The following AFF1 variants were observed in gnomAD, a reference collection of about 807,000 sequenced individuals.
AFF1 encodes the protein ALF transcription elongation factor 1.
A neutral mutation model predicts 121.7 loss-of-function variants in AFF1; 48 were observed. The ratio of observed to expected loss-of-function variants is 0.39; its 90% CI spans 0.31 to 0.50. The LOEUF (loss-of-function observed/expected upper bound fraction) is 0.50, where lower values mean the gene tolerates loss of function less well. AFF1 is among the 20% of genes least tolerant of loss of function. The probability of loss-of-function intolerance (pLI) is 0.76; values close to 1 mark genes in which losing one functional copy is unlikely to be tolerated. For missense variants in AFF1, 1,523 were observed against 1,511.7 expected (o/e 1.01, Z -0.12); for synonymous variants, 613 against 563.0 (o/e 1.09, Z -1.26).
intron 2 of AFF1, among the ~76,000 whole-genome samples, chr4:86,965,503 C>G (rs997334087): frequency 6.6e-6 from 1 of 152,112 alleles, no homozygotes; most frequent in African/African-American, 2.4e-5. Flanking sequence ...GAGGGAATTC[C>G]CCCTCTTCAT....
chr4:87,022,678 G>GCTGTGTATATATA, intron 2 of AFF1, among the ~76,000 whole-genome samples: 1 of 15,292 alleles, frequency 6.5e-5, no homozygotes, highest in African/African-American at 2.1e-4. Context: ...GTATATATAT[G>GCTGTGTATATATA]TGTGTGTATG....
intron 16 of AFF1, among the ~76,000 whole-genome samples, chr4:87,129,508 G>A (rs971153614): frequency 2.6e-5 from 4 of 152,166 alleles, no homozygotes; most frequent in Non-Finnish European, 5.9e-5. Flanking sequence ...ATTAACTTTG[G>A]AAATCCCATG....
At chr4:87,125,227 C>T (rs1380055410) in intron 13 of AFF1, 84 bp downstream of exon 13, 1 of 942,238 alleles carries the variant, frequency 1.1e-6, no homozygotes. Flanking sequence ...TTTTCTTCTG[C>T]ACTAGAATCA....
rs1729637902 is a variant in AFF1 at position 87,140,546 on chromosome 4, T to C, written c.*4845T>C. ...GGAGGAAAGTCAAATCTTGGTATTA[T>C]TAAAATTGTTTTAAAAAGGAGTAAA... On this transcript the variant is annotated 3_prime_UTR_variant, in exon 21 of 21. Coordinates refer to ENST00000395146, the MANE Select transcript of AFF1 (RefSeq NM_001166693.3). The C allele has an allele frequency of 5.6e-6, 1 of 178,188 alleles. No homozygotes were observed. Among genetic ancestry groups the C allele is most frequent in the South Asian group, 2.0e-4 (1 of 5,046 alleles). 11.0% of individuals were successfully genotyped at this position (178,188 alleles called of 1,614,324 possible). A position where few individuals can be genotyped will look rare whatever the true frequency, so the allele number is the denominator to read the frequency against.
chr4:86,954,067 A>G (rs941446950), intron 2 of AFF1, among the ~76,000 whole-genome samples: 2 of 152,148 alleles, frequency 1.3e-5, no homozygotes, highest in African/African-American at 2.4e-5. Context: ...CCAGCTGTCT[A>G]GAACTCCTCT....
intron 2 of AFF1, among the ~76,000 whole-genome samples, chr4:86,978,029 G>A (rs944550281): frequency 6.6e-6 from 1 of 152,030 alleles, no homozygotes; most frequent in Non-Finnish European, 1.5e-5. Flanking sequence ...TTGCTGATAG[G>A]TTTAATGAGA....
rs559445106 is a variant in AFF1, at chr4:87,047,958, G to A, written c.1059+364G>A. The A allele has an allele frequency of 1.6e-3, 442 of 278,238 alleles. 2 individuals are homozygous for A. The highest frequency in any genetic ancestry group is 9.4e-3 in the Middle Eastern group (7 of 742). The allele number at this position is 278,238 out of a possible 1,614,324, so 17.2% of individuals were successfully genotyped here. A position where few individuals can be genotyped will look rare whatever the true frequency, so the allele number is the denominator to read the frequency against. On this transcript the variant is annotated intron_variant, in intron 4 of 20. Coordinates refer to ENST00000395146, the MANE Select transcript of AFF1 (RefSeq NM_001166693.3). ...GATTTCGGTTACCAGAAAGTTTCAG[G>A]AAGGTTTTCAGGTGTCTTATTTATT... is the stretch of plus-strand genomic sequence containing the variant.
In AFF1 at chr4:87,094,217, A is replaced by G. The variant is rs190454500; in HGVS notation, c.1229-698A>G. Among the ~76,000 whole-genome samples the G allele has an allele frequency of 6.8e-4, 103 of 152,146 alleles. 2 individuals are homozygous for G. Among genetic ancestry groups the G allele is most frequent in the Admixed American group, 6.1e-3 (93 of 15,256 alleles). On this transcript the variant is annotated intron_variant, in intron 7 of 20. Transcript: ENST00000395146. ...TTGGCTGTCCTTTGTGATACAATTC[A>G]TTTTGTTCTTTCTTTAATTTGCTGC...
At chr4:87,071,929 G>A (rs529392750) in intron 4 of AFF1, among the ~76,000 whole-genome samples, 1 of 152,186 alleles carries the variant, frequency 6.6e-6, no homozygotes, top group East Asian at 1.9e-4. Context: ...TTGGAGTTTC[G>A]GGTCAGGAGC....
intron 2 of AFF1, among the ~76,000 whole-genome samples, chr4:86,996,211 C>T (rs1257138735): frequency 1.3e-5 from 2 of 152,170 alleles, no homozygotes; most frequent in African/African-American, 4.8e-5. Context: ...GCCACCACCC[C>T]GTCTGGGAGG....
At chr4:86,948,463 T>C in intron 1 of AFF1, 35 bp from the exon 2 acceptor site, 1 of 1,416,328 alleles carries the variant, frequency 7.1e-7, no homozygotes, top group Non-Finnish European at 9.6e-7. Context: ...ACTCACAGGC[T>C]AATGTTCACA....
chr4:87,127,155 T>A, intron 15 of AFF1, 38 bp downstream of exon 15: 1 of 1,532,646 alleles, frequency 6.5e-7, no homozygotes, highest in Non-Finnish European at 9.0e-7. Context: ...TCTGTTTTGT[T>A]TTGTTTTGCT....
chr4:87,135,839 C>T lies in AFF1; in HGVS notation c.*138C>T, dbSNP rs115446702. ...ACGAGATGGCCAGGACATTTGTCCA[C>T]TTAAACTCTCAACAACAGTGTGATC... On this transcript the variant is annotated 3_prime_UTR_variant, in exon 21 of 21. Coordinates refer to ENST00000395146, the MANE Select transcript of AFF1 (RefSeq NM_001166693.3). 1.6e-3 allele frequency: 2,009 copies of T among 1,293,990 alleles called. 11 individuals are homozygous for T. The highest frequency in any genetic ancestry group is 0.013 in the South Asian group (699 of 52,106). The allele number at this position is 1,293,990 out of a possible 1,614,324, so 80.2% of individuals were successfully genotyped here. A position where few individuals can be genotyped will look rare whatever the true frequency, so the allele number is the denominator to read the frequency against.
intron 12 of AFF1, among the ~76,000 whole-genome samples, chr4:87,118,983 C>T (rs1378796666): frequency 2.0e-5 from 3 of 152,056 alleles, no homozygotes; most frequent in African/African-American, 2.4e-5. Context: ...TAGTGGTCCA[C>T]GACTAGTCTG....
chr4:87,126,106 A>G lies in AFF1; in HGVS notation c.2581A>G (p.Arg861Gly). 6.2e-7 allele frequency: 1 copy of G among 1,614,092 alleles called. No homozygotes were observed. The highest frequency in any genetic ancestry group is 8.5e-7 in the Non-Finnish European group (1 of 1,180,006). ...CGTGATGTTTCACTCCAGGCCCTCC[A>G]GGCCCTCCTCACAGTCCTCAAAGAA... ...HKESSKTKPSRPSSQSSKKEM... is the reference protein window; with the variant it reads ...HKESSKTKPSGPSSQSSKKEM... The change falls in exon 14 of 21, where the codon AGG (arginine) becomes GGG (glycine). Residue 861 changes from arginine (R) to glycine (G), a missense_variant. Transcript: ENST00000395146.
At chr4:87,010,831 T>TA (rs1726662960) in intron 2 of AFF1, among the ~76,000 whole-genome samples, 1 of 152,116 alleles carries the variant, frequency 6.6e-6, no homozygotes, top group Non-Finnish European at 1.5e-5. Context: ...CTCACGCCTG[T>TA]AATCCCAGCA....
intron 2 of AFF1, among the ~76,000 whole-genome samples, chr4:87,035,029 T>C (rs1729421801): frequency 6.6e-6 from 1 of 152,174 alleles, no homozygotes; most frequent in Admixed American, 6.5e-5. Context: ...GGCACACATA[T>C]ATAAAGTCTA....
intron 4 of AFF1, among the ~76,000 whole-genome samples, chr4:87,081,972 T>C (rs1723228848): frequency 6.6e-6 from 1 of 152,126 alleles, no homozygotes; most frequent in Non-Finnish European, 1.5e-5. Flanking sequence ...CTTGAGTAAT[T>C]ATGGAGATCA....
At chr4:87,025,064 C>G (rs991183254) in intron 2 of AFF1, among the ~76,000 whole-genome samples, 1 of 152,148 alleles carries the variant, frequency 6.6e-6, no homozygotes, top group Admixed American at 6.5e-5. Context: ...TTCTCTTATC[C>G]TGCTCCATAG....
Sources: gnomAD v4.1 joint callset for allele counts (sites outside exome capture counted in the v4.1 genomes callset) on GRCh38, gnomAD v4.1.1 for gene constraint, MANE v1.5 for transcripts, NCBI Gene and HGNC (gene_info 2026-07-23, HGNC 2026-07-21) for gene names.